MAGI2: variants seen among roughly 807,000 people sequenced by gnomAD.
MAGI2 encodes membrane associated guanylate kinase, WW and PDZ domain containing 2.
MAGI2 carries 35 observed loss-of-function variants against 133.3 expected under a neutral mutation model. The observed-to-expected ratio is 0.26, with a 90% confidence interval of 0.20 to 0.35. The LOEUF is 0.35. Ranked by LOEUF, MAGI2 falls within the 10% of genes least tolerant of loss-of-function variation. MAGI2 has a pLI of 1.00. For synonymous variants in MAGI2, 729 were observed against 710.6 expected (o/e 1.03, Z -0.41); for missense variants, 1,636 against 1,863.4 (o/e 0.88, Z 2.25).
At chr7:78,418,198 G>A (rs1206149767) in intron 6 of MAGI2, among the ~76,000 whole-genome samples, 1 of 152,030 alleles carries the variant, frequency 6.6e-6, no homozygotes, top group Admixed American at 6.6e-5. Context: ...GAACATAACT[G>A]GATATTCGTG....
intron 1 of MAGI2, among the ~76,000 whole-genome samples, chr7:79,312,595 C>T (rs1838373342): frequency 6.6e-6 from 1 of 152,090 alleles, no homozygotes; most frequent in Non-Finnish European, 1.5e-5. Flanking sequence ...ATAGAATTTA[C>T]TTATTCCTCT....
intron 1 of MAGI2, among the ~76,000 whole-genome samples, chr7:79,228,281 T>A (rs1045935843): frequency 2.1e-5 from 3 of 140,674 alleles, no homozygotes; most frequent in African/African-American, 7.8e-5. Flanking sequence ...AGTTCAAGGT[T>A]GCAGTGAACT....
chr7:79,261,172 C>T (rs570334351), intron 1 of MAGI2, among the ~76,000 whole-genome samples: 124 of 152,248 alleles, frequency 8.1e-4, no homozygotes, highest in Non-Finnish European at 1.6e-3. Flanking sequence ...CAAATGGAGC[C>T]CAAGAACCTG....
At position 78,043,474 on chromosome 7, in the gene MAGI2, A is replaced by G. The variant is rs187596374; in HGVS notation, c.3707-23498T>C. Among the ~76,000 whole-genome samples, 491 of 152,346 alleles carry G rather than the reference A, an allele frequency of 3.2e-3. 3 individuals carry two copies. Among genetic ancestry groups the G allele is most frequent in the Non-Finnish European group, 5.3e-3 (361 of 68,034 alleles). On this transcript the variant is annotated intron_variant, in intron 21 of 21. Coordinates refer to ENST00000354212, the MANE Select transcript of MAGI2 (RefSeq NM_012301.4). ...GTTTTAGATTAATTTTTAGAAGTGC[A>G]GCTGCTCCCTTGACCTCTGGGGCTG...
At chr7:79,095,175 A>G (rs886099424) in intron 1 of MAGI2, among the ~76,000 whole-genome samples, 3 of 152,274 alleles carry the variant, frequency 2.0e-5, no homozygotes, top group East Asian at 3.9e-4. Flanking sequence ...CGAACTTCCA[A>G]CTTTTCATCT....
chr7:78,383,627 G>A (rs1795121601), intron 6 of MAGI2, among the ~76,000 whole-genome samples: 1 of 151,608 alleles, frequency 6.6e-6, no homozygotes, highest in South Asian at 2.1e-4. Flanking sequence ...TTTTTCTTTT[G>A]TTTTTGTTCT....
chr7:78,510,277 A>G (rs540039684), intron 4 of MAGI2, among the ~76,000 whole-genome samples: 1 of 152,344 alleles, frequency 6.6e-6, no homozygotes, highest in Admixed American at 6.5e-5. Context: ...TGAACAAGTT[A>G]TTTAATAACT....
chr7:79,006,241 C>T (rs1466511441), intron 2 of MAGI2, among the ~76,000 whole-genome samples: 2 of 151,894 alleles, frequency 1.3e-5, no homozygotes, highest in African/African-American at 4.8e-5. Context: ...TAATGTTATC[C>T]TTTCAGGACT....
chr7:78,922,275 C>T (rs1474942128), intron 2 of MAGI2, among the ~76,000 whole-genome samples: 1 of 151,314 alleles, frequency 6.6e-6, no homozygotes, highest in Admixed American at 6.6e-5. Context: ...ATGTGCCATG[C>T]TGGTGTGCTG....
chr7:79,184,172 T>C (rs1440109345), intron 1 of MAGI2, among the ~76,000 whole-genome samples: 1 of 151,794 alleles, frequency 6.6e-6, no homozygotes, highest in African/African-American at 2.4e-5. Flanking sequence ...GATAAAAATG[T>C]GAAGTAATGG....
chr7:78,327,619 C>T lies in MAGI2; in HGVS notation c.1408+16159G>A, dbSNP rs1378192845. 3.3e-5 allele frequency among the ~76,000 whole-genome samples: 5 copies of T among 152,128 alleles called. No individual in the cohort carries two copies. The East Asian group carries it at 9.6e-4, about 29-fold the overall frequency. Reference sequence around the variant, plus strand: ...GGGTTTGATTATAGTAGGGGAGCCCCCACAGTAGCACTGAGGTAGGTTTTT... The same window carrying T: ...GGGTTTGATTATAGTAGGGGAGCCCTCACAGTAGCACTGAGGTAGGTTTTT... On this transcript the variant is annotated intron_variant, in intron 9 of 21. Transcript: ENST00000354212.
At chr7:78,226,141 T>A (rs1789353706) in intron 10 of MAGI2, among the ~76,000 whole-genome samples, 1 of 152,202 alleles carries the variant, frequency 6.6e-6, no homozygotes, top group Non-Finnish European at 1.5e-5. Context: ...TTTTAATGCT[T>A]AATTTCAATT....
At chr7:79,194,097 C>T (rs573821807) in intron 1 of MAGI2, among the ~76,000 whole-genome samples, 7 of 151,998 alleles carry the variant, frequency 4.6e-5, no homozygotes, top group South Asian at 2.1e-4. Flanking sequence ...GAATCTCCTA[C>T]GAGTCATTTA....
At chr7:78,405,439 T>A (rs1326813647) in intron 6 of MAGI2, among the ~76,000 whole-genome samples, 1 of 152,110 alleles carries the variant, frequency 6.6e-6, no homozygotes, top group Non-Finnish European at 1.5e-5. Flanking sequence ...TGATTTTAAA[T>A]ATGCTTTATA....
chr7:79,313,413 C>G (rs1838449699), intron 1 of MAGI2, among the ~76,000 whole-genome samples: 1 of 152,090 alleles, frequency 6.6e-6, no homozygotes, highest in African/African-American at 2.4e-5. Context: ...TTCTTACTGT[C>G]TCAATCTCTC....
At chr7:78,929,864 G>A (rs554401428) in intron 2 of MAGI2, among the ~76,000 whole-genome samples, 2 of 152,190 alleles carry the variant, frequency 1.3e-5, no homozygotes, top group East Asian at 3.9e-4. Flanking sequence ...GAAAGGCTAA[G>A]AAGCAAAATA....
intron 6 of MAGI2, among the ~76,000 whole-genome samples, chr7:78,420,439 A>G (rs747167703): frequency 2.0e-5 from 3 of 152,182 alleles, no homozygotes; most frequent in Non-Finnish European, 4.4e-5. Flanking sequence ...TTAAGAATAT[A>G]CCCAGCCTCT....
chr7:78,123,873 T>C (rs964960615), intron 20 of MAGI2, among the ~76,000 whole-genome samples: 1 of 152,180 alleles, frequency 6.6e-6, no homozygotes, highest in Non-Finnish European at 1.5e-5. Context: ...GGCTAGAGAA[T>C]CTACATTTCT....
intron 6 of MAGI2, among the ~76,000 whole-genome samples, chr7:78,404,113 C>G (rs372145337): frequency 6.6e-6 from 1 of 151,956 alleles, no homozygotes; most frequent in East Asian, 1.9e-4. Flanking sequence ...TACAAGGATT[C>G]CTTGTAAGGA....
Sources: allele counts gnomAD v4.1 joint callset (sites outside exome capture counted in the v4.1 genomes callset), GRCh38; gene constraint gnomAD v4.1.1; transcripts MANE v1.5; gene names NCBI Gene and HGNC (gene_info 2026-07-23, HGNC 2026-07-21).